Variants in ACAT2 observed in about 807,000 individuals in gnomAD.
ACAT2 encodes acetyl-CoA acetyltransferase, cytosolic.
In ACAT2, 26 loss-of-function variants were observed where a neutral mutation model predicts 37.1. That is an observed-to-expected ratio of 0.70 (90% CI 0.51 to 0.97). The LOEUF is 0.97. ACAT2 is among the 50% of genes least tolerant of loss of function. The probability of loss-of-function intolerance (pLI) is 0.00; values close to 1 mark genes in which losing one functional copy is unlikely to be tolerated. For missense variants in ACAT2, 468 were observed against 489.0 expected (o/e 0.96, Z 0.40); for synonymous variants, 156 against 163.6 (o/e 0.95, Z 0.35).
intron 4 of ACAT2, among the ~76,000 whole-genome samples, chr6:159,771,908 C>CACAACA (rs546836983): frequency 8.6e-5 from 13 of 151,892 alleles, no homozygotes; most frequent in Admixed American, 2.0e-4. Flanking sequence ...AACATAGTGA[C>CACAACA]ACAACAACAA....
chr6:159,767,267 G>T, intron 3 of ACAT2, 81 bp downstream of exon 3: 1 of 1,423,626 alleles, frequency 7.0e-7, no homozygotes, highest in East Asian at 2.3e-5. Flanking sequence ...GTAAACAGAT[G>T]CATAGCAGAG....
At position 159,778,339 on chromosome 6, in the gene ACAT2, G is replaced by A. The variant is rs890147335; in HGVS notation, c.1023+59G>A. 9 of 1,188,978 alleles carry A rather than the reference G, an allele frequency of 7.6e-6. No homozygotes were observed. The South Asian group carries it at 1.2e-4, about 16-fold the overall frequency. The allele number at this position is 1,188,978 out of a possible 1,614,324, so 73.7% of individuals were successfully genotyped here. On this transcript the variant is annotated intron_variant, in intron 8 of 8. Coordinates refer to ENST00000367048, the MANE Select transcript of ACAT2 (RefSeq NM_005891.3). ...AGTGAATTTCACAATCCAATTTTAA[G>A]ATAGTATCTTCTAGGTGTTGGCCAT...
chr6:159,769,553 C>T (rs916408492), intron 4 of ACAT2, among the ~76,000 whole-genome samples: 1 of 152,176 alleles, frequency 6.6e-6, no homozygotes, highest in African/African-American at 2.4e-5. Context: ...GAGTAATTGA[C>T]AAAGATTAGA....
In ACAT2 at chr6:159,775,309, A is replaced by G. The variant is rs1780395655; in HGVS notation, c.630A>G (p.Arg210=). ...KEIVPVLVST[R]KGLIEVKTDE... ...TTGTACCAGTTTTGGTGTCAACTAG[A>G]AAAGGTGAGTATATCATAGTGGTTT... is the stretch of plus-strand genomic sequence containing the variant. Residue 210 remains arginine, a synonymous_variant, in exon 5 of 9, where the codon AGA becomes AGG. Transcript: ENST00000367048. 6.2e-7 allele frequency: 1 copy of G among 1,614,150 alleles called. No homozygotes were observed. The highest frequency in any genetic ancestry group is 8.5e-7 in the Non-Finnish European group (1 of 1,179,984).
chr6:159,778,162 T>G lies in ACAT2; in HGVS notation c.913-8T>G. 6.3e-7 allele frequency: 1 copy of G among 1,593,306 alleles called. No individual in the cohort carries two copies. Among genetic ancestry groups the G allele is most frequent in the Non-Finnish European group, 8.6e-7 (1 of 1,164,460 alleles). On this transcript the variant is annotated splice_region_variant and splice_polypyrimidine_tract_variant and intron_variant, in intron 7 of 8. Transcript: ENST00000367048. ...TTTAGACCTCTTTTCTATGAATCTT[T>G]CCTCTAGGTTACAAAAGCAGGTTGG...
At position 159,767,035 on chromosome 6, in the gene ACAT2, G is replaced by C; in HGVS notation, c.221G>C (p.Ser74Thr). The C allele has an allele frequency of 6.2e-7, 1 of 1,614,102 alleles. No individual in the cohort carries two copies. The highest frequency in any genetic ancestry group is 8.5e-7 in the Non-Finnish European group (1 of 1,179,934). ...GGGCAGAATCCTGTTAGACAAGCCAGTGTGGGTGCAGGAATTCCCTACTCT... is the reference window on the plus strand; with the variant it reads ...GGGCAGAATCCTGTTAGACAAGCCACTGTGGGTGCAGGAATTCCCTACTCT... Reference protein sequence around the residue: ...GCGQNPVRQASVGAGIPYSVP... With the variant: ...GCGQNPVRQATVGAGIPYSVP... The change falls in exon 3 of 9, where the codon AGT (serine) becomes ACT (threonine). Residue 74 changes from serine to threonine, a missense_variant. Physicochemically the swap from Ser to Thr is moderately conservative, Grantham distance 58. Coordinates refer to ENST00000367048, the MANE Select transcript of ACAT2 (RefSeq NM_005891.3).
intron 4 of ACAT2, among the ~76,000 whole-genome samples, chr6:159,774,258 T>C (rs917140079): frequency 6.6e-6 from 1 of 152,150 alleles, no homozygotes; most frequent in Admixed American, 6.5e-5. Context: ...TCTTCAAAAA[T>C]ATCAAGCTTA....
chr6:159,776,869 A>G (rs1156650933), intron 6 of ACAT2, among the ~76,000 whole-genome samples: 1 of 151,932 alleles, frequency 6.6e-6, no homozygotes, highest in Non-Finnish European at 1.5e-5. Flanking sequence ...GCTCACTGCA[A>G]TCTCCGCCTC....
intron 5 of ACAT2, chr6:159,775,686 T>C (rs893767064): frequency 6.8e-5 from 14 of 207,026 alleles, no homozygotes; most frequent in Non-Finnish European, 1.3e-4. Flanking sequence ...CTGTGTGATC[T>C]CCATTTCACA....
rs1482400072 is a variant in ACAT2, at chr6:159,770,896, C to G, written c.490+2268C>G. On this transcript the variant is annotated intron_variant, in intron 4 of 8. Coordinates refer to ENST00000367048, the MANE Select transcript of ACAT2 (RefSeq NM_005891.3). The stretch of plus-strand genomic sequence containing the variant: ...CCTGGCCAACATGGGGAAACCCTGT[C>G]TCTACTAAAAATACAAAAATGAGCT... Among the ~76,000 whole-genome samples the G allele has an allele frequency of 2.6e-5, 4 of 151,960 alleles. No homozygotes were observed. The East Asian group carries it at 7.7e-4, about 29-fold the overall frequency.
chr6:159,771,309 G>T (rs1289516977), intron 4 of ACAT2, among the ~76,000 whole-genome samples: 1 of 152,270 alleles, frequency 6.6e-6, no homozygotes, highest in East Asian at 1.9e-4. Context: ...GAACCTGGGA[G>T]GCGGAGGTTG....
At chr6:159,762,877 C>T (rs1300825268) in intron 1 of ACAT2, 42 bp from the exon 2 acceptor site, 1 of 1,600,108 alleles carries the variant, frequency 6.2e-7, no homozygotes, top group African/African-American at 1.3e-5. Flanking sequence ...CCGTATTACC[C>T]GCAGGCTTGT....
chr6:159,775,264 T>G lies in ACAT2; in HGVS notation c.585T>G (p.Ala195=), dbSNP rs41292466. Residue 195 remains alanine (A), a synonymous_variant, in exon 5 of 9, where the codon GCT becomes GCG. Transcript: ENST00000367048. ...SQNRTENAQK[A]GHFDKEIVPV... ...ACAGGACAGAGAATGCACAGAAAGC[T>G]GGCCATTTTGACAAAGAGATTGTAC... The G allele has an allele frequency of 1.0e-3, 1,633 of 1,614,202 alleles. 16 individuals are homozygous for G. In the African/African-American group the frequency reaches 0.019, roughly 19 times the overall value.
chr6:159,763,967 G>C (rs1369420466), intron 2 of ACAT2, among the ~76,000 whole-genome samples: 3 of 151,552 alleles, frequency 2.0e-5, no homozygotes, highest in Non-Finnish European at 2.9e-5. Flanking sequence ...CGGGTGTGGT[G>C]GCGGGCGCCT....
chr6:159,768,717 T>A, intron 4 of ACAT2, 89 bp downstream of exon 4: 1 of 825,032 alleles, frequency 1.2e-6, no homozygotes, highest in Admixed American at 2.1e-5. Flanking sequence ...TTCGTCCTTA[T>A]GGCCAGAGAC....
intron 4 of ACAT2, among the ~76,000 whole-genome samples, chr6:159,770,366 G>C (rs922805647): frequency 2.6e-5 from 4 of 152,134 alleles, no homozygotes; most frequent in African/African-American, 9.7e-5. Context: ...GATCTTAAAG[G>C]CTCTATTTTA....
chr6:159,775,452 A>G lies in ACAT2; in HGVS notation c.634+139A>G. On this transcript the variant is annotated intron_variant, in intron 5 of 8. Transcript: ENST00000367048. ...GCAAATATATGTCCTGGATACATGA[A>G]TGTGGGGAGGGGGTATGCTGGGTTT... 5.0e-6 allele frequency: 5 copies of G among 990,906 alleles called. No individual in the cohort carries two copies. The East Asian group carries it at 1.1e-4, about 21-fold the overall frequency. 61.4% of individuals were successfully genotyped at this position (990,906 alleles called of 1,614,324 possible).
At chr6:159,772,357 G>A (rs898931451) in intron 4 of ACAT2, among the ~76,000 whole-genome samples, 5 of 152,186 alleles carry the variant, frequency 3.3e-5, no homozygotes, top group Non-Finnish European at 7.3e-5. Context: ...TAAAGCTGTT[G>A]TAAACAAGAC....
In ACAT2 at chr6:159,768,638, A is replaced by C. The variant is rs772030227; in HGVS notation, c.490+10A>C. 1 of 1,567,020 alleles carries C rather than the reference A, an allele frequency of 6.4e-7. No individual in the cohort carries two copies. The highest frequency in any genetic ancestry group is 8.8e-7 in the Non-Finnish European group (1 of 1,137,298). On this transcript the variant is annotated intron_variant, in intron 4 of 8. Coordinates refer to ENST00000367048, the MANE Select transcript of ACAT2 (RefSeq NM_005891.3). ...CATATGGGTATTACAGGTAAGGCAG[A>C]CATGGCTGAAACTGTATTAGCTTTA... is the stretch of plus-strand genomic sequence containing the variant.
Sources: allele counts gnomAD v4.1 joint callset (sites outside exome capture counted in the v4.1 genomes callset), GRCh38; gene constraint gnomAD v4.1.1; transcripts MANE v1.5; gene names NCBI Gene and HGNC (gene_info 2026-07-23, HGNC 2026-07-21).